FSTL5: variants seen among roughly 807,000 people sequenced by gnomAD.
The protein encoded by FSTL5 is follistatin-related protein 5.
In FSTL5, 62 loss-of-function variants were observed where a neutral mutation model predicts 89.1. The ratio of observed to expected loss-of-function variants is 0.70; its 90% CI spans 0.57 to 0.86. FSTL5 has a LOEUF of 0.86. Ranked by LOEUF, FSTL5 falls within the 40% of genes least tolerant of loss-of-function variation. The pLI is 0.00. For synonymous variants in FSTL5, 383 were observed against 346.2 expected (o/e 1.11, Z -1.18); for missense variants, 1,057 against 1,001.6 (o/e 1.06, Z -0.75).
intron 15 of FSTL5, among the ~76,000 whole-genome samples, chr4:161,396,599 AG>A (rs1731008846): frequency 1.3e-5 from 2 of 151,748 alleles, no homozygotes; most frequent in Non-Finnish European, 2.9e-5. Context: ...GGTTGCAGTA[AG>A]CTGAGATCGC....
At chr4:161,693,037 T>A (rs1485741448) in intron 6 of FSTL5, among the ~76,000 whole-genome samples, 2 of 152,140 alleles carry the variant, frequency 1.3e-5, no homozygotes, top group African/African-American at 4.8e-5. Context: ...TATCTTAATA[T>A]TAGACATCTG....
intron 10 of FSTL5, among the ~76,000 whole-genome samples, chr4:161,531,978 G>A (rs1433811766): frequency 6.6e-6 from 1 of 152,070 alleles, no homozygotes; most frequent in Non-Finnish European, 1.5e-5. Context: ...GCCGAGACGG[G>A]CGGATCATGA....
At chr4:161,506,213 C>A (rs1730474624) in intron 11 of FSTL5, among the ~76,000 whole-genome samples, 1 of 147,778 alleles carries the variant, frequency 6.8e-6, no homozygotes, top group South Asian at 2.2e-4. Flanking sequence ...GGATTACAGG[C>A]ATGAGCCATC....
intron 1 of FSTL5, among the ~76,000 whole-genome samples, chr4:162,158,804 A>G (rs1333093854): frequency 6.6e-6 from 1 of 152,072 alleles, no homozygotes; most frequent in Non-Finnish European, 1.5e-5. Flanking sequence ...ATGAATACCT[A>G]TTAATATTTT....
chr4:161,404,003 G>C (rs1476927752), intron 15 of FSTL5, among the ~76,000 whole-genome samples: 1 of 152,208 alleles, frequency 6.6e-6, no homozygotes, highest in African/African-American at 2.4e-5. Flanking sequence ...AGTGGTAGCA[G>C]TCTTGAAAAT....
At chr4:161,670,291 T>C (rs1433928603) in intron 6 of FSTL5, among the ~76,000 whole-genome samples, 1 of 152,160 alleles carries the variant, frequency 6.6e-6, no homozygotes, top group African/African-American at 2.4e-5. Context: ...TTCCTATATG[T>C]TAACAAATGT....
chr4:161,443,811 T>C (rs1732857120), intron 15 of FSTL5, among the ~76,000 whole-genome samples: 1 of 151,622 alleles, frequency 6.6e-6, no homozygotes, highest in African/African-American at 2.4e-5. Context: ...ACAAAATGAG[T>C]AATTATGTGA....
intron 4 of FSTL5, among the ~76,000 whole-genome samples, chr4:161,861,739 C>T (rs769613905): frequency 1.3e-5 from 2 of 152,072 alleles, no homozygotes; most frequent in East Asian, 3.9e-4. Context: ...CTTTGGAAGC[C>T]GCTTTTTCAC....
intron 1 of FSTL5, among the ~76,000 whole-genome samples, chr4:162,116,958 C>A (rs1284924803): frequency 6.6e-6 from 1 of 152,182 alleles, no homozygotes; most frequent in Non-Finnish European, 1.5e-5. Flanking sequence ...TCTTATGTGA[C>A]TTCACCTCAC....
intron 4 of FSTL5, among the ~76,000 whole-genome samples, chr4:161,815,322 A>T (rs1327951599): frequency 1.3e-5 from 2 of 152,082 alleles, no homozygotes; most frequent in African/African-American, 4.8e-5. Flanking sequence ...TTCAGCTGAT[A>T]TGTATTTTCA....
chr4:161,816,908 A>T (rs540853848), intron 4 of FSTL5, among the ~76,000 whole-genome samples: 37 of 152,330 alleles, frequency 2.4e-4, no homozygotes, highest in Admixed American at 5.9e-4. Flanking sequence ...TTATGTAATT[A>T]ATCTGTGTCT....
At chr4:161,421,810 C>G (rs1470388113) in intron 15 of FSTL5, among the ~76,000 whole-genome samples, 2 of 152,112 alleles carry the variant, frequency 1.3e-5, no homozygotes, top group Non-Finnish European at 2.9e-5. Context: ...CATTGGTTTT[C>G]TACTGCCGTA....
intron 4 of FSTL5, among the ~76,000 whole-genome samples, chr4:161,847,298 T>A (rs949496518): frequency 3.9e-5 from 6 of 152,230 alleles, no homozygotes; most frequent in African/African-American, 1.4e-4. Context: ...TAAATAACTT[T>A]TGTTGAGTGT....
At chr4:162,097,126 T>C (rs1403224388) in intron 2 of FSTL5, among the ~76,000 whole-genome samples, 1 of 151,888 alleles carries the variant, frequency 6.6e-6, no homozygotes, top group African/African-American at 2.4e-5. Context: ...CTGTCATTTC[T>C]AGTTTGTGTA....
At chr4:161,749,704 A>G (rs1339287404) in intron 6 of FSTL5, among the ~76,000 whole-genome samples, 2 of 152,056 alleles carry the variant, frequency 1.3e-5, no homozygotes, top group African/African-American at 4.8e-5. Flanking sequence ...AGGCAGGAGA[A>G]TGGCGTGAAC....
chr4:162,151,095 C>A (rs868085003), intron 1 of FSTL5, among the ~76,000 whole-genome samples: 40 of 152,180 alleles, frequency 2.6e-4, no homozygotes, highest in African/African-American at 8.9e-4. Flanking sequence ...CATTAGAAAT[C>A]CAGTTTTGTT....
At chr4:161,603,572 A>G (rs1734328900) in intron 7 of FSTL5, among the ~76,000 whole-genome samples, 1 of 152,154 alleles carries the variant, frequency 6.6e-6, no homozygotes, top group Non-Finnish European at 1.5e-5. Context: ...GAGAAAATAA[A>G]GTTCTGTTAT....
At chr4:161,961,959 T>G (rs1735191019) in intron 3 of FSTL5, among the ~76,000 whole-genome samples, 1 of 151,808 alleles carries the variant, frequency 6.6e-6, no homozygotes, top group South Asian at 2.1e-4. Context: ...TTTAAGCAGA[T>G]TAGTTATCTA....
rs559321527 is a variant in FSTL5, at chr4:161,548,781, G to A, written c.1016-6088C>T. 1.3e-4 allele frequency among the ~76,000 whole-genome samples: 20 copies of A among 151,772 alleles called. No homozygotes were observed. The South Asian group carries it at 1.9e-3, about 14-fold the overall frequency. ...CTAAGCTTTGTGGGAAATGATTCAG[G>A]AATTATGCAATGATGGACTATTAAT... On this transcript the variant is annotated intron_variant, in intron 8 of 15. Transcript: ENST00000306100.
Sources: allele counts gnomAD v4.1 joint callset (sites outside exome capture counted in the v4.1 genomes callset), GRCh38; gene constraint gnomAD v4.1.1; transcripts MANE v1.5; gene names NCBI Gene and HGNC (gene_info 2026-07-23, HGNC 2026-07-21).